BMF: variants seen among roughly 807,000 people sequenced by gnomAD.
BMF encodes the protein bcl-2-modifying factor.
A neutral mutation model predicts 22.0 loss-of-function variants in BMF; 10 were observed. The observed-to-expected ratio is 0.45, with a 90% CI of 0.28 to 0.77. The LOEUF is 0.77. Ranked by LOEUF, BMF falls within the 30% of genes least tolerant of loss-of-function variation. The probability of loss-of-function intolerance (pLI) is 0.13; values close to 1 mark genes in which losing one functional copy is unlikely to be tolerated. For synonymous variants in BMF, 87 were observed against 88.1 expected, an observed-to-expected ratio of 0.99 and a Z score of 0.07; for missense variants, 206 against 226.8, an observed-to-expected ratio of 0.91 and a Z score of 0.59.
chr15:40,108,859 G>A lies in BMF; in HGVS notation c.-220C>T, dbSNP rs1242152886. 6.5e-6 allele frequency: 1 copy of A among 153,238 alleles called. No individual in the cohort carries two copies. Among genetic ancestry groups the A allele is most frequent in the African/African-American group, 2.4e-5 (1 of 41,436 alleles). 9.5% of individuals were successfully genotyped at this position (153,238 alleles called of 1,614,324 possible). Reference sequence around the variant, plus strand: ...GGGCGGGAGGAGGCCACTCCGCACGGTGCGGTATTGTTTCCAAAATACGCC... The same window carrying A: ...GGGCGGGAGGAGGCCACTCCGCACGATGCGGTATTGTTTCCAAAATACGCC... On this transcript the variant is annotated 5_prime_UTR_variant, in exon 1 of 5. Coordinates refer to ENST00000354670, the MANE Select transcript of BMF (RefSeq NM_001003940.2).
rs1251083192 is a variant in BMF, at chr15:40,106,531, CACACACACACACACACACACAT to C, written c.-5-462_-5-441del. On this transcript the variant is annotated intron_variant, in intron 2 of 4. Coordinates refer to ENST00000354670, the MANE Select transcript of BMF (RefSeq NM_001003940.2). This position sits in a 1 kb window ranked among gnomAD's most constrained non-coding sequence, Gnocchi z 4.1. ...ACAGTGCTCACAACACACACACACA[CACACACACACACACACACACAT>C]ACAGAGTCATTGTCCCAAGGAAATT... 1.3e-5 allele frequency: 2 copies of C among 148,646 alleles called. No individual in the cohort carries two copies. The highest frequency in any genetic ancestry group is 2.6e-5 in the African/African-American group (1 of 37,752). The allele number at this position is 148,646 out of a possible 1,614,324, so 9.2% of individuals were successfully genotyped here. A position where few individuals can be genotyped will look rare whatever the true frequency, so the allele number is the denominator to read the frequency against.
intron 4 of BMF, among the ~76,000 whole-genome samples, chr15:40,099,943 G>C (rs1258967552): frequency 1.3e-5 from 2 of 152,130 alleles, no homozygotes; most frequent in Non-Finnish European, 2.9e-5. Flanking sequence ...GTGGCTGAAA[G>C]TTTTCTCAGA....
Position 40,106,996 on chromosome 15 carries a change from C to T in BMF, c.-5-905G>A, listed in dbSNP as rs1261370791. 2.0e-5 allele frequency among the ~76,000 whole-genome samples: 3 copies of T among 152,324 alleles called. No individual in the cohort carries two copies. Among genetic ancestry groups the T allele is most frequent in the Non-Finnish European group, 4.4e-5 (3 of 68,024 alleles). On this transcript the variant is annotated intron_variant, in intron 2 of 4. Transcript: ENST00000354670. This position sits in a 1 kb window ranked among gnomAD's most constrained non-coding sequence, Gnocchi z 4.1. ...TTACAGAAGGAAGTGAAATTCAGCC[C>T]TCTCCCTGTGACCTCACTCACTGCC...
chr15:40,108,510 AC>A, intron 1 of BMF, 124 bp from the exon 2 acceptor site: 1 of 152,806 alleles, frequency 6.5e-6, no homozygotes, highest in East Asian at 1.9e-4. Context: ...TCAGCAGTGC[AC>A]CCCAGGTTCC....
In BMF at chr15:40,091,826, C is replaced by T. The variant is rs1196919989; in HGVS notation, c.516G>A (p.Leu172=). 6.2e-7 allele frequency: 1 copy of T among 1,611,382 alleles called. No individual in the cohort carries two copies. Among genetic ancestry groups the T allele is most frequent in the African/African-American group, 1.3e-5 (1 of 74,740 alleles). The change falls in exon 5 of 5, where the codon TTG becomes TTA. Residue 172 remains leucine, a synonymous_variant. Coordinates refer to ENST00000354670, the MANE Select transcript of BMF (RefSeq NM_001003940.2). ...CCCCGTTCCTGTTCTCTTCTCCATT[C>T]AAAGCAAGGTTGTGCAGGAAGAGGA... ...QILLFLHNLA[L]NGEENRNGAG... is the part of the protein sequence containing the mutation.
intron 3 of BMF, 137 bp from the exon 4 acceptor site, chr15:40,104,477 T>C (rs2141049614): frequency 1.8e-6 from 2 of 1,111,026 alleles, no homozygotes; most frequent in South Asian, 1.5e-5. Context: ...CTGCCTCTAT[T>C]GGAGCACTCT....
chr15:40,100,252 C>T (rs1480998914), intron 4 of BMF, among the ~76,000 whole-genome samples: 3 of 152,200 alleles, frequency 2.0e-5, no homozygotes, highest in Non-Finnish European at 4.4e-5. Context: ...GAGGCCATGG[C>T]ACAAGGACAG....
intron 4 of BMF, among the ~76,000 whole-genome samples, chr15:40,093,928 T>C (rs1359734336): frequency 2.6e-5 from 4 of 152,152 alleles, no homozygotes; most frequent in African/African-American, 2.4e-5. Context: ...TTGAGGCACA[T>C]TATCATGCCC....
rs1341148313 is a variant in BMF at position 40,089,928 on chromosome 15, C to T, written c.*1859G>A. The T allele has an allele frequency of 6.6e-6, 1 of 152,660 alleles. No homozygotes were observed. The highest frequency in any genetic ancestry group is 1.5e-5 in the Non-Finnish European group (1 of 68,060). 9.5% of individuals were successfully genotyped at this position (152,660 alleles called of 1,614,324 possible). On this transcript the variant is annotated 3_prime_UTR_variant, in exon 5 of 5. Coordinates refer to ENST00000354670, the MANE Select transcript of BMF (RefSeq NM_001003940.2). ...AGCAGGAACCCGTCTTCTTAGCAGA[C>T]AAATCATGGTACACACCCTGAGAAT...
At chr15:40,099,820 T>C (rs2141026854) in intron 4 of BMF, among the ~76,000 whole-genome samples, 2 of 146,432 alleles carry the variant, frequency 1.4e-5, no homozygotes, top group South Asian at 4.3e-4. Context: ...AGAGATTACA[T>C]GATTTGCCCA....
intron 2 of BMF, among the ~76,000 whole-genome samples, chr15:40,107,533 AGTGTGTGTGTGTGTGTGT>A (rs58296260): frequency 5.1e-5 from 7 of 137,508 alleles, no homozygotes; most frequent in East Asian, 4.3e-4. Flanking sequence ...GTGTTTCCCA[AGTGTGTGTGTGTGTGTGT>A]GTGTGTGTGT....
At chr15:40,101,462 T>C (rs1595481813) in intron 4 of BMF, among the ~76,000 whole-genome samples, 1 of 152,210 alleles carries the variant, frequency 6.6e-6, no homozygotes, top group East Asian at 1.9e-4. Context: ...TTTCTGACTC[T>C]GAACCCAAAG....
chr15:40,101,411 T>C lies in BMF; in HGVS notation c.453+2769A>G, dbSNP rs56888636. Among the ~76,000 whole-genome samples the C allele has an allele frequency of 7.3e-3, 1,119 of 152,322 alleles. 17 individuals are homozygous for C. Among genetic ancestry groups the C allele is most frequent in the African/African-American group, 0.025 (1,058 of 41,568 alleles). ...GGCTCAGTGAAGTCAAGTGACTTCCTGAAAACTAGTAGATGGCAGAGCTGG... is the reference window on the plus strand; with the variant it reads ...GGCTCAGTGAAGTCAAGTGACTTCCCGAAAACTAGTAGATGGCAGAGCTGG... On this transcript the variant is annotated intron_variant, in intron 4 of 4. Coordinates refer to ENST00000354670, the MANE Select transcript of BMF (RefSeq NM_001003940.2).
intron 4 of BMF, among the ~76,000 whole-genome samples, chr15:40,099,898 T>C (rs1308081818): frequency 6.6e-6 from 1 of 152,186 alleles, no homozygotes; most frequent in Non-Finnish European, 1.5e-5. Flanking sequence ...TAGGATCCTT[T>C]TTGTGATATT....
At chr15:40,098,436 G>A (rs557961316) in intron 4 of BMF, among the ~76,000 whole-genome samples, 1 of 150,716 alleles carries the variant, frequency 6.6e-6, no homozygotes, top group African/African-American at 2.4e-5. Flanking sequence ...GCACAATGGT[G>A]TGTGCCCTGG....
chr15:40,106,517 AACACAC>A lies in BMF; in HGVS notation c.-5-432_-5-427del, dbSNP rs71658279. 27 of 136,056 alleles carry A rather than the reference AACACAC, an allele frequency of 2.0e-4. No individual in the cohort carries two copies. The highest frequency in any genetic ancestry group is 1.7e-3 in the South Asian group (7 of 4,112). 8.4% of individuals were successfully genotyped at this position (136,056 alleles called of 1,614,324 possible). ...GACTGGCTATACATACAGTGCTCACAACACACACACACACACACACACACACACACA... is the reference window on the plus strand; with the variant it reads ...GACTGGCTATACATACAGTGCTCACAACACACACACACACACACACACACA... On this transcript the variant is annotated intron_variant, in intron 2 of 4. Coordinates refer to ENST00000354670, the MANE Select transcript of BMF (RefSeq NM_001003940.2). This position sits in a 1 kb window ranked among gnomAD's most constrained non-coding sequence, Gnocchi z 4.1.
At chr15:40,098,755 A>C (rs2036414902) in intron 4 of BMF, among the ~76,000 whole-genome samples, 1 of 149,702 alleles carries the variant, frequency 6.7e-6, no homozygotes, top group African/African-American at 2.5e-5. Flanking sequence ...TCCTCCCATC[A>C]CCCACTTTCC....
chr15:40,101,049 C>T (rs1285558877), intron 4 of BMF, among the ~76,000 whole-genome samples: 1 of 152,148 alleles, frequency 6.6e-6, no homozygotes, highest in Admixed American at 6.5e-5. Context: ...AAATCCAGCC[C>T]GCAATGATGG....
intron 4 of BMF, among the ~76,000 whole-genome samples, chr15:40,099,732 C>G (rs767209806): frequency 3.4e-5 from 5 of 147,210 alleles, no homozygotes; most frequent in African/African-American, 5.1e-5. Flanking sequence ...GAGCCGAGAT[C>G]GCACCACTGT....
Sources: allele counts gnomAD v4.1 joint callset (sites outside exome capture counted in the v4.1 genomes callset), GRCh38; gene constraint gnomAD v4.1.1; non-coding constraint Gnocchi (gnomAD v3.1); transcripts MANE v1.5; gene names NCBI Gene and HGNC (gene_info 2026-07-23, HGNC 2026-07-21).